The following LRRC49 variants were observed in gnomAD, a reference collection of about 807,000 sequenced individuals.
LRRC49 encodes leucine-rich repeat-containing protein 49.
LRRC49 carries 50 observed loss-of-function variants against 83.3 expected under a neutral mutation model. The observed-to-expected ratio is 0.60, with a 90% CI of 0.48 to 0.76. The LOEUF (loss-of-function observed/expected upper bound fraction) is 0.76. LRRC49 is among the 30% of genes least tolerant of loss of function. The probability of loss-of-function intolerance (pLI) is 0.00; values close to 1 mark genes in which losing one functional copy is unlikely to be tolerated. For missense variants in LRRC49, 704 were observed against 809.1 expected (o/e 0.87, Z 1.58); for synonymous variants, 286 against 283.3 (o/e 1.01, Z -0.10).
At chr15:70,892,556 G>A, upstream of LRRC49, 1 of 1,499,664 alleles carries the variant, frequency 6.7e-7, no homozygotes, top group Non-Finnish European at 8.9e-7. Context: ...GAGGTGGGCC[G>A]TAAAGAGGAA....
intron 14 of LRRC49, among the ~76,000 whole-genome samples, chr15:71,016,216 T>G (rs1443279256): frequency 6.6e-6 from 1 of 152,266 alleles, no homozygotes; most frequent in East Asian, 1.9e-4. Context: ...TTCTATCTTG[T>G]TTTTTTATTT....
chr15:70,913,445 T>A (rs1171363744), intron 6 of LRRC49, among the ~76,000 whole-genome samples: 1 of 152,212 alleles, frequency 6.6e-6, no homozygotes, highest in Non-Finnish European at 1.5e-5. Flanking sequence ...GCAGGTTAGT[T>A]ACTGTCTGTC....
chr15:71,028,865 G>A (rs1006469370), intron 14 of LRRC49, among the ~76,000 whole-genome samples: 26 of 151,836 alleles, frequency 1.7e-4, no homozygotes, highest in Non-Finnish European at 2.9e-4. Context: ...CTAGCAGTCC[G>A]TCTACTTTGT....
At chr15:70,906,070 A>C (rs1180460799) in intron 5 of LRRC49, among the ~76,000 whole-genome samples, 1 of 151,072 alleles carries the variant, frequency 6.6e-6, no homozygotes, top group Non-Finnish European at 1.5e-5. Context: ...GGAGAAGGTC[A>C]GAGAGTGAGC....
At chr15:70,898,353 C>T in intron 3 of LRRC49, 2 of 684,288 alleles carry the variant, frequency 2.9e-6, no homozygotes, top group East Asian at 5.4e-5. Context: ...CTATTGATTG[C>T]CTACTGAATT....
chr15:71,037,348 A>G lies in LRRC49; in HGVS notation c.1857+16A>G. 6.4e-7 allele frequency: 1 copy of G among 1,572,528 alleles called. No homozygotes were observed. On this transcript the variant is annotated intron_variant, in intron 15 of 15. Coordinates refer to ENST00000260382, the MANE Select transcript of LRRC49 (RefSeq NM_017691.5). ...AAAGCTAGAGGTAAAACTACTGTTA[A>G]TCTTTGCGATCTAATGCCAGGATAT...
In LRRC49 at chr15:70,904,746, G is replaced by T. The variant is rs1292160451; in HGVS notation, c.491G>T (p.Gly164Val). The part of the protein sequence containing the change: ...TLRCLRVLLL[G>V]KNRIKKISNL... The stretch of plus-strand genomic sequence containing the variant: ...AGATGTCTTCGTGTCCTTCTGTTGG[G>T]GAAAAACAGGTATTCTTTGTAGAGC... Residue 164 changes from glycine (G) to valine (V), a missense_variant, in exon 5 of 16, where the codon GGG (glycine) becomes GTG (valine). This residue lies in a region of LRRC49 where 261 missense variants were observed against 330.5 expected (regional missense o/e 0.79). Transcript: ENST00000260382. The T allele has an allele frequency of 2.5e-6, 4 of 1,609,828 alleles. No homozygotes were observed. The highest frequency in any genetic ancestry group is 3.4e-6 in the Non-Finnish European group (4 of 1,177,648).
intron 12 of LRRC49, 145 bp downstream of exon 12, chr15:71,008,761 A>T (rs2038549805): frequency 1.7e-6 from 1 of 601,482 alleles, no homozygotes; most frequent in Non-Finnish European, 2.9e-6. Flanking sequence ...TTGAGCTAGG[A>T]TTTAAATTAG....
intron 4 of LRRC49, among the ~76,000 whole-genome samples, 158 bp from the exon 5 acceptor site, chr15:70,904,394 A>G (rs1489755512): frequency 1.3e-5 from 2 of 152,138 alleles, no homozygotes; most frequent in Non-Finnish European, 2.9e-5. Context: ...AATGATTTAC[A>G]ATTAAATATA....
At chr15:71,009,378 A>G (rs1421766138) in intron 12 of LRRC49, among the ~76,000 whole-genome samples, 1 of 151,946 alleles carries the variant, frequency 6.6e-6, no homozygotes, top group Non-Finnish European at 1.5e-5. Flanking sequence ...AGTAATAATA[A>G]CTAACTAGTT....
intron 1 of LRRC49, among the ~76,000 whole-genome samples, chr15:70,871,488 C>T (rs1011414095): frequency 6.6e-6 from 1 of 152,286 alleles, no homozygotes; most frequent in South Asian, 2.1e-4. Context: ...GACCAGGTGG[C>T]GGCCGGGCAG....
chr15:70,990,017 T>C (rs1251226884), intron 11 of LRRC49, among the ~76,000 whole-genome samples: 34 of 152,090 alleles, frequency 2.2e-4, no homozygotes, highest in Admixed American at 2.1e-3. Flanking sequence ...AGTACCCGGC[T>C]GTGTGAGGTG....
At chr15:70,908,982 G>A (rs1047769915) in intron 5 of LRRC49, among the ~76,000 whole-genome samples, 5 of 152,170 alleles carry the variant, frequency 3.3e-5, no homozygotes, top group African/African-American at 1.2e-4. Context: ...TTTTGCAAAG[G>A]TGGTTGCAGT....
At chr15:70,990,206 CT>C (rs1176287647) in intron 11 of LRRC49, among the ~76,000 whole-genome samples, 1 of 152,190 alleles carries the variant, frequency 6.6e-6, no homozygotes, top group Non-Finnish European at 1.5e-5. Flanking sequence ...TTACTGCTGT[CT>C]TTTTGTTTGT....
intron 11 of LRRC49, among the ~76,000 whole-genome samples, chr15:70,985,944 A>T (rs1203681266): frequency 1.4e-5 from 2 of 144,188 alleles, no homozygotes; most frequent in African/African-American, 5.1e-5. Context: ...AGTTGTAGAT[A>T]TGCGGCGTTA....
chr15:70,879,723 C>A (rs1200409019), intron 2 of LRRC49, among the ~76,000 whole-genome samples: 2 of 152,200 alleles, frequency 1.3e-5, no homozygotes, highest in Admixed American at 1.3e-4. Context: ...TGAATTCCTA[C>A]CTCTGATTCC....
upstream of LRRC49, chr15:70,892,309 G>T: frequency 6.4e-7 from 1 of 1,550,740 alleles, no homozygotes; most frequent in Non-Finnish European, 8.7e-7. Flanking sequence ...CGGGTTCCCT[G>T]GACCTTCGCC....
chr15:70,870,907 A>G (rs2033012833), intron 1 of LRRC49, among the ~76,000 whole-genome samples: 1 of 152,262 alleles, frequency 6.6e-6, no homozygotes, highest in African/African-American at 2.4e-5. Context: ...GATATGCTGC[A>G]AGATATTTGA....
chr15:70,914,461 G>A (rs557101187), intron 6 of LRRC49, among the ~76,000 whole-genome samples: 1 of 152,170 alleles, frequency 6.6e-6, no homozygotes, highest in South Asian at 2.1e-4. Flanking sequence ...GGGAAGTAGA[G>A]ATGGAAGGAG....
Sources: gnomAD v4.1 joint callset for allele counts (sites outside exome capture counted in the v4.1 genomes callset) on GRCh38, gnomAD v4.1.1 for gene constraint, gnomAD v4.1.1 regional missense constraint, MANE v1.5 for transcripts, NCBI Gene and HGNC (gene_info 2026-07-23, HGNC 2026-07-21) for gene names.